VPS16: variants seen among roughly 807,000 people sequenced by gnomAD.
VPS16 encodes the protein vacuolar protein sorting-associated protein 16 homolog.
Under a neutral mutation model 116.0 loss-of-function variants are expected in VPS16, and 82 were observed. The ratio of observed to expected loss-of-function variants is 0.71; its 90% CI spans 0.59 to 0.85. The LOEUF (loss-of-function observed/expected upper bound fraction) is 0.85, where lower values mean the gene tolerates loss of function less well. Ranked by LOEUF, VPS16 falls within the 40% of genes least tolerant of loss-of-function variation. The probability of loss-of-function intolerance (pLI) is 0.00; values close to 1 mark genes in which losing one functional copy is unlikely to be tolerated. For synonymous variants in VPS16, 406 were observed against 420.7 expected (o/e 0.96, Z 0.43); for missense variants, 928 against 1,090.6 (o/e 0.85, Z 2.10).
chr20:2,863,365 C>A lies in VPS16; in HGVS notation c.1443C>A (p.Val481=). Residue 481 remains valine (V), a synonymous_variant, in exon 15 of 24, where the codon GTC becomes GTA. Transcript: ENST00000380445. This position sits in a 1 kb window ranked among gnomAD's most constrained non-coding sequence, Gnocchi z 4.4. ...EYLRLPEVQG[V]SRILAHWACY... ...TGCGCCTTCCTGAAGTACAGGGCGT[C>A]AGCAGGATCCTGGCCCACTGGGCCT... The A allele has an allele frequency of 6.2e-7, 1 of 1,614,244 alleles. No individual in the cohort carries two copies. Among genetic ancestry groups the A allele is most frequent in the Non-Finnish European group, 8.5e-7 (1 of 1,180,048 alleles).
At chr20:2,862,343 C>A in intron 11 of VPS16, 1 of 992,718 alleles carries the variant, frequency 1.0e-6, no homozygotes, top group Non-Finnish European at 1.4e-6. Flanking sequence ...TATCCCCACC[C>A]AGTCTGGGTT....
At chr20:2,858,289 T>C (rs2089194970) in intron 1 of VPS16, among the ~76,000 whole-genome samples, 4 of 152,048 alleles carry the variant, frequency 2.6e-5, no homozygotes, top group Admixed American at 2.6e-4. Flanking sequence ...GTATTTTTTG[T>C]AAAGACAGGG....
In VPS16 at chr20:2,845,007, GGTGT is replaced by G. The variant is rs375923174; in HGVS notation, c.53+4213_53+4216del. ...GGTTGATGTAATTGGATTTGCAAGGGGTGTGTGTGTGTGTGTGTGTGTGTGTGTG... is the reference window on the plus strand; with the variant it reads ...GGTTGATGTAATTGGATTTGCAAGGGGTGTGTGTGTGTGTGTGTGTGTGTG... On this transcript the variant is annotated intron_variant, in intron 1 of 23. Transcript: ENST00000380445. 3.1e-3 allele frequency among the ~76,000 whole-genome samples: 449 copies of G among 144,084 alleles called. 1 individual carries two copies. Among genetic ancestry groups the G allele is most frequent in the Admixed American group, 4.5e-3 (65 of 14,340 alleles). 94.5% of individuals were successfully genotyped at this position (144,084 alleles called of 152,430 possible). A position where few individuals can be genotyped will look rare whatever the true frequency, so the allele number is the denominator to read the frequency against.
rs555502 is a variant in VPS16, at chr20:2,865,751, G to C, written c.2271+256G>C. Among the ~76,000 whole-genome samples the C allele has an allele frequency of 6.6e-6, 1 of 152,016 alleles. No homozygotes were observed. Among genetic ancestry groups the C allele is most frequent in the Non-Finnish European group, 1.5e-5 (1 of 67,994 alleles). On this transcript the variant is annotated intron_variant, in intron 22 of 23. Transcript: ENST00000380445. This position sits in a 1 kb window ranked among gnomAD's most constrained non-coding sequence, Gnocchi z 5.2. ...TGCTTTCCCCAGGGAGGGCCACAGG[G>C]GGCACTATGTGCTAGAGGGAAAGTC... is the stretch of plus-strand genomic sequence containing the variant.
At chr20:2,854,265 A>ACACACACACACACACACACACACAC (rs375390884) in intron 1 of VPS16, among the ~76,000 whole-genome samples, 6 of 149,002 alleles carry the variant, frequency 4.0e-5, no homozygotes, top group Admixed American at 6.7e-5. Flanking sequence ...ACACACACAC[A>ACACACACACACACACACACACACAC]AATTTTTTAG....
intron 1 of VPS16, among the ~76,000 whole-genome samples, chr20:2,851,085 A>G (rs1415748196): frequency 6.6e-6 from 1 of 152,210 alleles, no homozygotes; most frequent in African/African-American, 2.4e-5. Flanking sequence ...TCTTCAGGCT[A>G]GGGTTCAGAC....
At position 2,864,766 on chromosome 20, in the gene VPS16, T is replaced by A. The variant is rs1453311659; in HGVS notation, c.1926+112T>A. 3 of 1,254,048 alleles carry A rather than the reference T, an allele frequency of 2.4e-6. No homozygotes were observed. In the African/African-American group the frequency reaches 4.4e-5, roughly 19 times the overall value. 77.7% of individuals were successfully genotyped at this position (1,254,048 alleles called of 1,614,324 possible). A position where few individuals can be genotyped will look rare whatever the true frequency, so the allele number is the denominator to read the frequency against. On this transcript the variant is annotated intron_variant, in intron 19 of 23. Coordinates refer to ENST00000380445, the MANE Select transcript of VPS16 (RefSeq NM_022575.4). The surrounding 1 kb of genome is among the most constrained non-coding windows in gnomAD (Gnocchi z 5.2). ...GTTGGGTGCACACTCCATCTGGTCCTCACTGTGAGGGAGACTCTGACGTGA... is the reference window on the plus strand; with the variant it reads ...GTTGGGTGCACACTCCATCTGGTCCACACTGTGAGGGAGACTCTGACGTGA...
chr20:2,840,939 G>C, intron 1 of VPS16, 112 bp downstream of exon 1: 1 of 1,050,362 alleles, frequency 9.5e-7, no homozygotes, highest in Admixed American at 2.7e-5. Flanking sequence ...TCCGCCCCGC[G>C]CCGGCTCTCC....
intron 1 of VPS16, among the ~76,000 whole-genome samples, chr20:2,852,261 A>G (rs1204304468): frequency 6.6e-6 from 1 of 152,162 alleles, no homozygotes; most frequent in African/African-American, 2.4e-5. Flanking sequence ...GAAGCACAGG[A>G]GGGCCCCTTC....
chr20:2,842,909 T>TATCTATCGATAGA (rs1428286703), intron 1 of VPS16, among the ~76,000 whole-genome samples: 6 of 23,822 alleles, frequency 2.5e-4, no homozygotes, highest in Admixed American at 3.3e-4. Flanking sequence ...TAGATATATG[T>TATCTATCGATAGA]TATGGATTGC....
Position 2,863,592 on chromosome 20 carries a change from G to A in VPS16, c.1476+194G>A, listed in dbSNP as rs1317094129. Among the ~76,000 whole-genome samples, 14 of 151,722 alleles carry A rather than the reference G, an allele frequency of 9.2e-5. No homozygotes were observed. Among genetic ancestry groups the A allele is most frequent in the Admixed American group, 2.6e-4 (4 of 15,232 alleles). On this transcript the variant is annotated intron_variant, in intron 15 of 23. Transcript: ENST00000380445. This position sits in a 1 kb window ranked among gnomAD's most constrained non-coding sequence, Gnocchi z 4.4. ...AGCCTGGCTAACATGGTGAAACCCC[G>A]TCTCTACTAAAAATACAAAATTAGC...
chr20:2,861,751 T>G, intron 9 of VPS16, 47 bp downstream of exon 9: 2 of 1,595,962 alleles, frequency 1.3e-6, no homozygotes, highest in African/African-American at 1.3e-5. Flanking sequence ...GAGGGGAGGG[T>G]TCACCTGCCC....
At position 2,860,752 on chromosome 20, in the gene VPS16, G is replaced by T. The variant is rs1568627284; in HGVS notation, c.519G>T (p.Leu173=). The change falls in exon 6 of 24, where the codon CTG becomes CTT. Residue 173 remains leucine, a synonymous_variant. Coordinates refer to ENST00000380445, the MANE Select transcript of VPS16 (RefSeq NM_022575.4). This position sits in a 1 kb window ranked among gnomAD's most constrained non-coding sequence, Gnocchi z 6.1. ...KLRRMPEVPG[L]QSAPSCWTVL... is the part of the protein sequence containing the mutation. ...TGTCCTTTTCCCTGGCCATAGGTCT[G>T]CAAAGTGCACCCTCCTGCTGGACTG... is the stretch of plus-strand genomic sequence containing the variant. 6.2e-7 allele frequency: 1 copy of T among 1,613,896 alleles called. No individual in the cohort carries two copies.
In VPS16 at chr20:2,863,454, G is replaced by A. The variant is rs2089266298; in HGVS notation, c.1476+56G>A. On this transcript the variant is annotated intron_variant, in intron 15 of 23. Transcript: ENST00000380445. This position sits in a 1 kb window ranked among gnomAD's most constrained non-coding sequence, Gnocchi z 4.4. ...TTAGAGGATTCCAGGCCCTGGTGAG[G>A]TGGAGGAAATAGAAAGTGTAGAACT... 5 of 1,566,686 alleles carry A rather than the reference G, an allele frequency of 3.2e-6. No individual in the cohort carries two copies. Among genetic ancestry groups the A allele is most frequent in the Admixed American group, 3.4e-5 (2 of 59,644 alleles).
In VPS16 at chr20:2,864,757, A is replaced by G. The variant is rs1386288829; in HGVS notation, c.1926+103A>G. 3 of 1,293,718 alleles carry G rather than the reference A, an allele frequency of 2.3e-6. No individual in the cohort carries two copies. The highest frequency in any genetic ancestry group is 3.3e-6 in the Non-Finnish European group (3 of 911,204). 80.1% of individuals were successfully genotyped at this position (1,293,718 alleles called of 1,614,324 possible). A position where few individuals can be genotyped will look rare whatever the true frequency, so the allele number is the denominator to read the frequency against. On this transcript the variant is annotated intron_variant, in intron 19 of 23. Transcript: ENST00000380445. This position sits in a 1 kb window ranked among gnomAD's most constrained non-coding sequence, Gnocchi z 5.2. ...GGCCTTCGTGTTGGGTGCACACTCC[A>G]TCTGGTCCTCACTGTGAGGGAGACT...
intron 1 of VPS16, among the ~76,000 whole-genome samples, chr20:2,842,909 T>TATCGATAGATAGATG (rs1428286703): frequency 5.9e-4 from 14 of 23,888 alleles, no homozygotes; most frequent in Non-Finnish European, 7.1e-4. Flanking sequence ...TAGATATATG[T>TATCGATAGATAGATG]TATGGATTGC....
Position 2,865,250 on chromosome 20 carries a change from C to T in VPS16, c.2107C>T (p.Leu703Phe). 1 of 1,614,218 alleles carries T rather than the reference C, an allele frequency of 6.2e-7. No homozygotes were observed. The highest frequency in any genetic ancestry group is 1.7e-5 in the Admixed American group (1 of 60,030). ...DLSLHDTVTTLILGGHNKRAE... is the reference protein window; with the variant it reads ...DLSLHDTVTTFILGGHNKRAE... ...GTCTCTACATGACACAGTTACCACC[C>T]TCATTCTTGGCGGTCACAACAAGCG... Residue 703 changes from leucine to phenylalanine, a missense_variant, in exon 21 of 24, where the codon CTC becomes TTC. Physicochemically the swap from Leu to Phe is conservative, Grantham distance 22. Transcript: ENST00000380445. This position sits in a 1 kb window ranked among gnomAD's most constrained non-coding sequence, Gnocchi z 5.2.
Position 2,861,223 on chromosome 20 carries a change from A to G in VPS16, c.754-2A>G, listed in dbSNP as rs757385094. The G allele has an allele frequency of 1.2e-6, 2 of 1,614,224 alleles. No homozygotes were observed. Among genetic ancestry groups the G allele is most frequent in the Non-Finnish European group, 1.7e-6 (2 of 1,180,038 alleles). On this transcript the variant is annotated splice_acceptor_variant, in intron 7 of 23. Coordinates refer to ENST00000380445, the MANE Select transcript of VPS16 (RefSeq NM_022575.4). LOFTEE classifies it high-confidence loss of function. ...GCCATGACATTGCCCACACCATTTCAGGAGAAGCTATGTGAGTTCAACTGC... is the reference window on the plus strand; with the variant it reads ...GCCATGACATTGCCCACACCATTTCGGGAGAAGCTATGTGAGTTCAACTGC...
At position 2,860,436 on chromosome 20, in the gene VPS16, C is replaced by T. The variant is rs2089214843; in HGVS notation, c.370-13C>T. The T allele has an allele frequency of 6.2e-7, 1 of 1,614,038 alleles. No homozygotes were observed. Among genetic ancestry groups the T allele is most frequent in the Non-Finnish European group, 8.5e-7 (1 of 1,179,988 alleles). On this transcript the variant is annotated splice_polypyrimidine_tract_variant and intron_variant, in intron 4 of 23. Transcript: ENST00000380445. The surrounding 1 kb of genome is among the most constrained non-coding windows in gnomAD (Gnocchi z 6.1). ...CCCTGTGGCTCCCTTAACCCATGGC[C>T]CCCTTTCCTCAGGAAGTGCTCCAGA...
Sources: allele counts gnomAD v4.1 joint callset (sites outside exome capture counted in the v4.1 genomes callset), GRCh38; gene constraint gnomAD v4.1.1; non-coding constraint Gnocchi (gnomAD v3.1); transcripts MANE v1.5; gene names NCBI Gene and HGNC (gene_info 2026-07-23, HGNC 2026-07-21).